The following ARMH1 variants were observed in gnomAD, a reference collection of about 807,000 sequenced individuals.
ARMH1 encodes armadillo-like helical domain containing protein 1.
Under a neutral mutation model 50.2 loss-of-function variants are expected in ARMH1, and 34 were observed. The observed-to-expected ratio is 0.68, with a 90% CI of 0.51 to 0.90. The LOEUF is 0.90. Ranked by LOEUF, ARMH1 falls within the 40% of genes least tolerant of loss-of-function variation. ARMH1 has a pLI of 0.00. For missense variants in ARMH1, 538 were observed against 553.9 expected (o/e 0.97, Z 0.29); for synonymous variants, 221 against 224.2 (o/e 0.99, Z 0.13).
chr1:44,717,722 A>T (rs1557561104), intron 6 of ARMH1, among the ~76,000 whole-genome samples: 1 of 152,252 alleles, frequency 6.6e-6, no homozygotes, highest in Non-Finnish European at 1.5e-5. Flanking sequence ...GAATGAATCA[A>T]TGAATAAATC....
chr1:44,698,108 C>G lies in ARMH1; in HGVS notation c.321C>G (p.Thr107=), dbSNP rs1328367814. Reference sequence around the variant, plus strand: ...TTCTTGAGGTTGGAGGTGTCCTAACCCTCTTGGAAATACTTGGGCTAGAGA... The same window carrying G: ...TTCTTGAGGTTGGAGGTGTCCTAACGCTCTTGGAAATACTTGGGCTAGAGA... ...IEFLEVGGVL[T]LLEILGLEKI... is the part of the protein sequence containing the mutation. Residue 107 remains threonine (T), a synonymous_variant, in exon 4 of 12, where the codon ACC becomes ACG. Coordinates refer to ENST00000535358, the MANE Select transcript of ARMH1 (RefSeq NM_001145636.2). The G allele has an allele frequency of 1.9e-6, 3 of 1,551,976 alleles. No individual in the cohort carries two copies. Among genetic ancestry groups the G allele is most frequent in the African/African-American group, 1.4e-5 (1 of 73,004 alleles).
chr1:44,720,737 A>T (rs1647068854), intron 6 of ARMH1, among the ~76,000 whole-genome samples: 1 of 152,132 alleles, frequency 6.6e-6, no homozygotes, highest in South Asian at 2.1e-4. Context: ...CAATAGCCAG[A>T]TAAAGAAGAC....
chr1:44,722,504 G>T (rs1417342248), intron 6 of ARMH1, among the ~76,000 whole-genome samples: 1 of 150,664 alleles, frequency 6.6e-6, no homozygotes, highest in East Asian at 2.0e-4. Context: ...GAGCACTTTG[G>T]GAGGCCTGAG....
At chr1:44,677,863 C>A (rs914613964) in intron 1 of ARMH1, among the ~76,000 whole-genome samples, 2 of 152,072 alleles carry the variant, frequency 1.3e-5, no homozygotes, top group African/African-American at 4.8e-5. Flanking sequence ...AGGGCTTTTA[C>A]AAGAAGGAGG....
chr1:44,722,673 G>C (rs985110900), intron 6 of ARMH1, among the ~76,000 whole-genome samples: 8 of 151,950 alleles, frequency 5.3e-5, no homozygotes, highest in African/African-American at 1.9e-4. Flanking sequence ...GAACCCGGGA[G>C]GCAGAGGTTG....
rs1202858900 is a variant in ARMH1 at position 44,698,060 on chromosome 1, C to T, written c.276-3C>T. 2 of 1,543,862 alleles carry T rather than the reference C, an allele frequency of 1.3e-6. No homozygotes were observed. Among genetic ancestry groups the T allele is most frequent in the Non-Finnish European group, 1.8e-6 (2 of 1,141,768 alleles). ...ATTTCTACTTTTCTATCCCTCTGGA[C>T]AGTAATCGGTACCTTATAGAATTTC... On this transcript the variant is annotated splice_polypyrimidine_tract_variant and splice_region_variant and intron_variant, in intron 3 of 11. Coordinates refer to ENST00000535358, the MANE Select transcript of ARMH1 (RefSeq NM_001145636.2).
At chr1:44,687,290 TA>T (rs767663038) in intron 1 of ARMH1, among the ~76,000 whole-genome samples, 59 of 152,210 alleles carry the variant, frequency 3.9e-4, no homozygotes, top group Admixed American at 1.6e-3. Flanking sequence ...ACACCAATCA[TA>T]TTGGATAAAG....
intron 5 of ARMH1, 88 bp downstream of exon 5, chr1:44,701,207 G>A (rs1646067484): frequency 7.8e-7 from 1 of 1,289,820 alleles, no homozygotes; most frequent in Non-Finnish European, 1.0e-6. Context: ...ACACAGGCAT[G>A]AGAAACGGAG....
chr1:44,689,036 G>A, intron 1 of ARMH1: 1 of 152,392 alleles, frequency 6.6e-6, no homozygotes, highest in Non-Finnish European at 1.5e-5. Context: ...GAGAGGCCCA[G>A]ATTTTGTTTG....
intron 4 of ARMH1, among the ~76,000 whole-genome samples, chr1:44,700,386 G>A (rs568285550): frequency 6.6e-6 from 1 of 152,270 alleles, no homozygotes; most frequent in African/African-American, 2.4e-5. Context: ...GGGAGGCCAA[G>A]GTGGGCGCAT....
intron 1 of ARMH1, among the ~76,000 whole-genome samples, chr1:44,686,049 G>C (rs1289113006): frequency 1.3e-5 from 2 of 152,186 alleles, no homozygotes; most frequent in South Asian, 2.1e-4. Context: ...AGATGTGAGA[G>C]ACAGGAAATG....
Position 44,704,177 on chromosome 1 carries a change from G to A in ARMH1, c.724+4G>A, listed in dbSNP as rs769809137. On this transcript the variant is annotated splice_donor_region_variant and intron_variant, in intron 6 of 11. Coordinates refer to ENST00000535358, the MANE Select transcript of ARMH1 (RefSeq NM_001145636.2). Reference sequence around the variant, plus strand: ...CACCTGGAAGTCCAGTATGAAGGTAGGGAGCCTCCAGATTGCAGAAGGGGG... The same window carrying A: ...CACCTGGAAGTCCAGTATGAAGGTAAGGAGCCTCCAGATTGCAGAAGGGGG... 25 of 1,550,458 alleles carry A rather than the reference G, an allele frequency of 1.6e-5. No individual in the cohort carries two copies. The highest frequency in any genetic ancestry group is 3.3e-4 in the Middle Eastern group (2 of 6,012).
intron 6 of ARMH1, among the ~76,000 whole-genome samples, chr1:44,709,726 A>G (rs538779523): frequency 1.5e-4 from 23 of 151,422 alleles, no homozygotes; most frequent in African/African-American, 5.6e-4. Context: ...AGTCCCAGCT[A>G]CTCAGGGAGG....
At chr1:44,716,795 G>T (rs1646868978) in intron 6 of ARMH1, among the ~76,000 whole-genome samples, 1 of 151,968 alleles carries the variant, frequency 6.6e-6, no homozygotes, top group African/African-American at 2.4e-5. Context: ...CCAGAGTGGA[G>T]GCAGTAGACT....
chr1:44,705,623 T>TACA (rs1345279749), intron 6 of ARMH1, among the ~76,000 whole-genome samples: 1 of 152,174 alleles, frequency 6.6e-6, no homozygotes, highest in South Asian at 2.1e-4. Context: ...TTTTTCAAGA[T>TACA]ACAACAATAA....
intron 6 of ARMH1, among the ~76,000 whole-genome samples, chr1:44,704,929 G>A (rs534538909): frequency 1.3e-5 from 2 of 151,592 alleles, no homozygotes; most frequent in South Asian, 4.2e-4. Context: ...CTGCCTCCCG[G>A]GTTCACACCA....
chr1:44,701,966 G>A (rs970567626), intron 5 of ARMH1, among the ~76,000 whole-genome samples: 1 of 151,932 alleles, frequency 6.6e-6, no homozygotes, highest in Admixed American at 6.6e-5. Flanking sequence ...ATAACTGGCT[G>A]TGGTGGCATG....
chr1:44,676,981 G>C (rs926976088), intron 1 of ARMH1, among the ~76,000 whole-genome samples: 1 of 152,196 alleles, frequency 6.6e-6, no homozygotes, highest in African/African-American at 2.4e-5. Flanking sequence ...TCACTTAGAA[G>C]GGTGGAGGAA....
In ARMH1 at chr1:44,719,690, T is replaced by G. The variant is rs867840200; in HGVS notation, c.725-4432T>G. Reference sequence around the variant, plus strand: ...TTAAACAAGTAAAGTTTGCAGGAGCTGAAGCAGAGACCTGTTCTGTGTGCT... The same window carrying G: ...TTAAACAAGTAAAGTTTGCAGGAGCGGAAGCAGAGACCTGTTCTGTGTGCT... On this transcript the variant is annotated intron_variant, in intron 6 of 11. Transcript: ENST00000535358. Among the ~76,000 whole-genome samples, 79 of 152,368 alleles carry G rather than the reference T, an allele frequency of 5.2e-4. No individual in the cohort carries two copies. In the Middle Eastern group the frequency reaches 0.014, roughly 26 times the overall value.
Sources: gnomAD v4.1 joint callset for allele counts (sites outside exome capture counted in the v4.1 genomes callset) on GRCh38, gnomAD v4.1.1 for gene constraint, MANE v1.5 for transcripts, NCBI Gene and HGNC (gene_info 2026-07-23, HGNC 2026-07-21) for gene names.